Variants in DPH6 observed in about 807,000 individuals in gnomAD.
DPH6 encodes diphthamine biosynthesis 6, also known as diphthine--ammonia ligase.
In DPH6, 33 loss-of-function variants were observed where a neutral mutation model predicts 38.2. The ratio of observed to expected loss-of-function variants is 0.86; its 90% CI spans 0.65 to 1.15. DPH6 has a LOEUF of 1.15. Ranked by LOEUF, DPH6 falls within the 50% of genes most tolerant of loss-of-function variation. The pLI, the probability that DPH6 is intolerant of heterozygous loss-of-function variation, is 0.00. For synonymous variants in DPH6, 108 were observed against 103.0 expected, an observed-to-expected ratio of 1.05 and a Z score of -0.30; for missense variants, 325 against 320.0, an observed-to-expected ratio of 1.02 and a Z score of -0.12.
At chr15:35,165,582 T>C in the DPH6 span, among the ~76,000 whole-genome samples, 1 of 151,892 alleles carries the variant, frequency 6.6e-6, no homozygotes, top group African/African-American at 2.4e-5. Flanking sequence ...CTGTGTGAAA[T>C]TGAATTTTTC....
intron 3 of DPH6, among the ~76,000 whole-genome samples, chr15:35,506,828 A>C (rs2054700834): frequency 6.6e-6 from 1 of 152,200 alleles, no homozygotes; most frequent in African/African-American, 2.4e-5. Context: ...AAGCCCTTAA[A>C]AGTACCTATG....
rs1370944265 is a variant in DPH6, at chr15:35,440,974, C to G, written c.505+9711G>C. Among the ~76,000 whole-genome samples, 4 of 152,040 alleles carry G rather than the reference C, an allele frequency of 2.6e-5. No individual in the cohort carries two copies. The South Asian group carries it at 6.2e-4, about 24-fold the overall frequency. On this transcript the variant is annotated intron_variant, in intron 5 of 8. Transcript: ENST00000256538. ...CAAATTTACAAGAAAAAACAAACAACCCAATCAAAAAGTGGGTGAAGGATA... is the reference window on the plus strand; with the variant it reads ...CAAATTTACAAGAAAAAACAAACAAGCCAATCAAAAAGTGGGTGAAGGATA...
chr15:35,235,870 T>C (rs1355918749), intron 3 of DPH6, among the ~76,000 whole-genome samples: 1 of 152,162 alleles, frequency 6.6e-6, no homozygotes. Flanking sequence ...AATATTCAAC[T>C]TAGAAACTAC....
At chr15:35,510,385 C>T (rs1042478915) in intron 3 of DPH6, among the ~76,000 whole-genome samples, 11 of 152,114 alleles carry the variant, frequency 7.2e-5, no homozygotes, top group African/African-American at 2.7e-4. Context: ...AAGCTCTGTC[C>T]ATTTTTGTAT....
At chr15:35,379,203 A>T (rs1016017690) in intron 7 of DPH6, among the ~76,000 whole-genome samples, 2 of 152,216 alleles carry the variant, frequency 1.3e-5, no homozygotes, top group Non-Finnish European at 2.9e-5. Context: ...ACATTGGCCC[A>T]CATGGCCCCT....
chr15:35,544,865 C>G (rs1164193382), intron 1 of DPH6, among the ~76,000 whole-genome samples: 1 of 152,192 alleles, frequency 6.6e-6, no homozygotes, highest in African/African-American at 2.4e-5. Context: ...AAACTTTTGG[C>G]AAGCGATGTA....
At chr15:35,423,207 C>A (rs2053527701) in intron 5 of DPH6, among the ~76,000 whole-genome samples, 1 of 151,386 alleles carries the variant, frequency 6.6e-6, no homozygotes, top group Non-Finnish European at 1.5e-5. Context: ...TTTTCTCCAA[C>A]ACTTATCTTT....
intron 3 of DPH6, among the ~76,000 whole-genome samples, chr15:35,234,758 A>G (rs1031068997): frequency 3.3e-5 from 5 of 152,220 alleles, no homozygotes; most frequent in African/African-American, 9.6e-5. Context: ...GTAATTCAGT[A>G]TTTTTGTTGG....
At chr15:35,214,317 G>C (rs1188070584), downstream of DPH6, among the ~76,000 whole-genome samples, 1 of 152,166 alleles carries the variant, frequency 6.6e-6, no homozygotes, top group African/African-American at 2.4e-5. Context: ...AACTGGTTGA[G>C]TCTTCACCAG....
chr15:35,395,979 C>G (rs1272396545), intron 6 of DPH6, among the ~76,000 whole-genome samples: 1 of 152,160 alleles, frequency 6.6e-6, no homozygotes, highest in Non-Finnish European at 1.5e-5. Flanking sequence ...CTACAACATG[C>G]TTTCAGAGAA....
the DPH6 span, among the ~76,000 whole-genome samples, chr15:35,152,201 C>A: frequency 1.3e-5 from 2 of 152,096 alleles, no homozygotes; most frequent in Non-Finnish European, 2.9e-5. Flanking sequence ...TTTTCTTATA[C>A]ATCATTTCAC....
At chr15:35,313,839 T>C (rs1367137108) in intron 3 of DPH6, among the ~76,000 whole-genome samples, 1 of 152,154 alleles carries the variant, frequency 6.6e-6, no homozygotes, top group African/African-American at 2.4e-5. Flanking sequence ...ACTATGAAAC[T>C]ACTAGAAGAA....
chr15:35,337,995 C>T (rs140547864), intron 3 of DPH6, among the ~76,000 whole-genome samples: 52,832 of 149,426 alleles, frequency 0.35, 11,616 homozygotes, highest in African/African-American at 0.61. Context: ...AAGCTGAAAC[C>T]GGATCCCTTC....
chr15:35,328,742 A>G (rs991177272), downstream of DPH6, among the ~76,000 whole-genome samples: 2 of 152,214 alleles, frequency 1.3e-5, no homozygotes, highest in African/African-American at 2.4e-5. Flanking sequence ...CCAAACAAAG[A>G]CACTTCCTTA....
chr15:35,459,074 T>G (rs1460634271), intron 3 of DPH6, among the ~76,000 whole-genome samples: 1 of 152,230 alleles, frequency 6.6e-6, no homozygotes, highest in Non-Finnish European at 1.5e-5. Flanking sequence ...TTGCATATGT[T>G]GTATTCAATT....
At chr15:35,320,415 C>T (rs1013499042) in intron 3 of DPH6, among the ~76,000 whole-genome samples, 1 of 152,092 alleles carries the variant, frequency 6.6e-6, no homozygotes, top group African/African-American at 2.4e-5. Flanking sequence ...TCTTTTGGGG[C>T]CCATAAGTCA....
At chr15:35,424,192 A>G (rs2053540903) in intron 5 of DPH6, among the ~76,000 whole-genome samples, 1 of 151,506 alleles carries the variant, frequency 6.6e-6, no homozygotes. Context: ...CAATCCAAGA[A>G]TATGGCTGTA....
intron 3 of DPH6, chr15:35,298,766 G>C: frequency 3.6e-6 from 5 of 1,384,592 alleles, no homozygotes; most frequent in Non-Finnish European, 5.1e-6. Flanking sequence ...AGCGAGGAAG[G>C]AGTTGCGCTG....
rs146987862 is a variant in DPH6, at chr15:35,315,482, C to T, written n.200+58039G>A. Among the ~76,000 whole-genome samples the T allele has an allele frequency of 7.2e-5, 11 of 152,274 alleles. No individual in the cohort carries two copies. In the East Asian group the frequency reaches 1.7e-3, roughly 24 times the overall value. On this transcript the variant is annotated intron_variant and non_coding_transcript_variant, in intron 3 of 3. Transcript: ENST00000560386. Reference sequence around the variant, plus strand: ...GTCCGCAACTGCAGTTACTTTGCAACAGTGACATATTATCTCTCCCCGGTC... The same window carrying T: ...GTCCGCAACTGCAGTTACTTTGCAATAGTGACATATTATCTCTCCCCGGTC...
Sources: allele counts gnomAD v4.1 joint callset (sites outside exome capture counted in the v4.1 genomes callset), GRCh38; gene constraint gnomAD v4.1.1; transcripts MANE v1.5; gene names NCBI Gene and HGNC (gene_info 2026-07-23, HGNC 2026-07-21).